PIN4: variants seen among roughly 807,000 people sequenced by gnomAD.
PIN4 encodes peptidyl-prolyl cis-trans isomerase NIMA-interacting 4.
A neutral mutation model predicts 8.3 loss-of-function variants in PIN4; 3 were observed. That is an observed-to-expected ratio of 0.36 (90% CI 0.16 to 0.93). The LOEUF (loss-of-function observed/expected upper bound fraction) is 0.93, where lower values mean the gene tolerates loss of function less well. Ranked by LOEUF, PIN4 falls within the 40% of genes least tolerant of loss-of-function variation. PIN4 has a pLI of 0.44. For missense variants in PIN4, 75 were observed against 100.6 expected (o/e 0.75, Z 1.09); for synonymous variants, 18 against 32.5 (o/e 0.55, Z 1.52).
At chrX:72,240,575 G>A (rs1173421656) in intron 3 of PIN4, among the ~76,000 whole-genome samples, 2 of 110,755 alleles carry the variant, frequency 1.8e-5, no homozygotes, top group African/African-American at 6.6e-5. Context: ...TTGGGAGGCC[G>A]AGGCGGGCGG....
At chrX:72,183,076 A>G (rs977846820) in intron 1 of PIN4, among the ~76,000 whole-genome samples, 7 of 111,436 alleles carry the variant, frequency 6.3e-5, no homozygotes, top group Non-Finnish European at 1.1e-4. Context: ...AATAGTCAAG[A>G]CTTGGTGATT....
intron 3 of PIN4, among the ~76,000 whole-genome samples, chrX:72,249,821 G>T (rs1429487099): frequency 9.0e-6 from 1 of 111,449 alleles, no homozygotes. Context: ...ATGGGGCAGT[G>T]GTTACACAAG....
intron 3 of PIN4, among the ~76,000 whole-genome samples, chrX:72,244,656 G>GT (rs1266572632): frequency 5.4e-5 from 6 of 111,566 alleles, no homozygotes; most frequent in Non-Finnish European, 3.8e-5. Context: ...CCAACCCAGC[G>GT]TTTTTTCCAG....
At chrX:72,212,950 A>G (rs1182173933) in intron 3 of PIN4, among the ~76,000 whole-genome samples, 1 of 112,283 alleles carries the variant, frequency 8.9e-6, no homozygotes, top group Non-Finnish European at 1.9e-5. Flanking sequence ...TGTCTCAAAA[A>G]AAAAAGAATG....
chrX:72,235,037 C>T (rs2043008330), intron 3 of PIN4, among the ~76,000 whole-genome samples: 1 of 111,976 alleles, frequency 8.9e-6, no homozygotes. Context: ...TCTGAGAGGG[C>T]CAGAGTTGGA....
Position 72,239,371 on chromosome X carries a change from C to T in PIN4, c.313-23336C>T, listed in dbSNP as rs2043038324. 2.7e-5 allele frequency among the ~76,000 whole-genome samples: 3 copies of T among 112,718 alleles called. No individual in the cohort carries two copies. The South Asian group carries it at 1.1e-3, about 41-fold the overall frequency. ...GCCTGCGTCCCCCAACCATACCCTGCCCCGCATCCACAGATATCTTCCCTT... is the reference window on the plus strand; with the variant it reads ...GCCTGCGTCCCCCAACCATACCCTGTCCCGCATCCACAGATATCTTCCCTT... On this transcript the variant is annotated intron_variant, in intron 3 of 3. Transcript: ENST00000423432.
At chrX:72,245,562 G>T (rs1343798094) in intron 3 of PIN4, among the ~76,000 whole-genome samples, 1 of 111,539 alleles carries the variant, frequency 9.0e-6, no homozygotes, top group Non-Finnish European at 1.9e-5. Context: ...GGATTTGGGG[G>T]TAGGGGATAG....
At chrX:72,185,150 A>AAAAAAAAAAAC (rs1407576457) in intron 1 of PIN4, among the ~76,000 whole-genome samples, 2 of 102,285 alleles carry the variant, frequency 2.0e-5, no homozygotes, top group East Asian at 6.0e-4. Context: ...TCCGTCTCAA[A>AAAAAAAAAAAC]AAAAAAAAAA....
Position 72,206,972 on chromosome X carries a change from C to G in PIN4, c.312+10068C>G, listed in dbSNP as rs2042824462. 2 of 1,210,727 alleles carry G rather than the reference C, an allele frequency of 1.7e-6. No individual in the cohort carries two copies. Among genetic ancestry groups the G allele is most frequent in the Non-Finnish European group, 2.2e-6 (2 of 895,176 alleles). ...TGTCTTATTAATGAGTCCTTGAAAA[C>G]CTGTCTTCTGTATATTTTTTCCTCT... On this transcript the variant is annotated intron_variant, in intron 3 of 3. Transcript: ENST00000423432.
At chrX:72,262,271 C>T (rs1156352103) in intron 3 of PIN4, among the ~76,000 whole-genome samples, 1 of 112,391 alleles carries the variant, frequency 8.9e-6, no homozygotes, top group Non-Finnish European at 1.9e-5. Context: ...GCTGAATGAA[C>T]AAGAGATCAA....
At chrX:72,211,976 T>C (rs1187890307) in intron 3 of PIN4, among the ~76,000 whole-genome samples, 2 of 110,785 alleles carry the variant, frequency 1.8e-5, no homozygotes, top group Non-Finnish European at 3.8e-5. Context: ...CAAGTGGCCA[T>C]ATAAAATCAT....
intron 3 of PIN4, among the ~76,000 whole-genome samples, chrX:72,247,595 T>C (rs1163894564): frequency 8.9e-6 from 1 of 112,443 alleles, no homozygotes; most frequent in Non-Finnish European, 1.9e-5. Context: ...GTGGCCTTTT[T>C]CCCTTCCTCT....
At chrX:72,213,103 T>G (rs2042865772) in intron 3 of PIN4, among the ~76,000 whole-genome samples, 1 of 112,384 alleles carries the variant, frequency 8.9e-6, no homozygotes, top group Non-Finnish European at 1.9e-5. Flanking sequence ...AGCCTAGACC[T>G]GCTAATCTCG....
rs762569898 is a variant in PIN4 at position 72,262,739 on chromosome X, T to C, written c.345T>C (p.His115=). The C allele has an allele frequency of 6.9e-6, 8 of 1,151,364 alleles. No homozygotes were observed. In the South Asian group the frequency reaches 7.6e-5, roughly 11 times the overall value. 94.9% of individuals were successfully genotyped at this position (1,151,364 alleles called of 1,213,427 possible). A position where few individuals can be genotyped will look rare whatever the true frequency, so the allele number is the denominator to read the frequency against. Reference sequence around the variant, plus strand: ...GCCTGCAGCAACATGCTGGTCACCATAGAGACCTGAGAAGCACCCTCATCT... The same window carrying C: ...GCCTGCAGCAACATGCTGGTCACCACAGAGACCTGAGAAGCACCCTCATCT... Residue 115 remains histidine (H), a synonymous_variant, in exon 4 of 4, where the codon CAT becomes CAC. Transcript: ENST00000423432.
intron 3 of PIN4, chrX:72,238,092 C>G (rs527545659): frequency 1.8e-5 from 2 of 111,707 alleles, no homozygotes; most frequent in African/African-American, 6.5e-5. Context: ...AGATGACGGA[C>G]GGCTGCACAA....
intron 3 of PIN4, among the ~76,000 whole-genome samples, chrX:72,224,607 G>A (rs759506136): frequency 1.6e-4 from 18 of 111,254 alleles, no homozygotes; most frequent in African/African-American, 4.9e-4. Context: ...TTAACTGGGC[G>A]TGGTGGTGCA....
chrX:72,262,768 T>C (rs1265399524), exon 4 of PIN4: 1 of 1,140,064 alleles, frequency 8.8e-7, no homozygotes, highest in Non-Finnish European at 1.2e-6. Context: ...CTCATCTCAT[T>C]GGTATCATAT....
At chrX:72,255,293 A>ATAATAATAATAATAG (rs1172223838) in intron 3 of PIN4, among the ~76,000 whole-genome samples, 5 of 105,580 alleles carry the variant, frequency 4.7e-5, no homozygotes, top group African/African-American at 1.7e-4. Flanking sequence ...AATAATAATA[A>ATAATAATAATAATAG]TAATAATAAT....
At position 72,198,337 on chromosome X, in the gene PIN4, C is replaced by T. The variant is rs1441961302; in HGVS notation, c.*811C>T. 1.4e-6 allele frequency: 1 copy of T among 735,054 alleles called. No homozygotes were observed. The highest frequency in any genetic ancestry group is 1.6e-6 in the Non-Finnish European group (1 of 622,457). The allele number at this position is 735,054 out of a possible 1,213,427, so 60.6% of individuals were successfully genotyped here. The stretch of plus-strand genomic sequence containing the variant: ...TGCTTCAAAAATAAAACTTTGCCAA[C>T]ACAGCTATGTGATTCTTAACAGATT... On this transcript the variant is annotated 3_prime_UTR_variant, in exon 4 of 4. Transcript: ENST00000373669.
Sources: allele counts gnomAD v4.1 joint callset (sites outside exome capture counted in the v4.1 genomes callset), GRCh38; gene constraint gnomAD v4.1.1; transcripts MANE v1.5; gene names NCBI Gene and HGNC (gene_info 2026-07-23, HGNC 2026-07-21).